Variants in SGIP1 observed in about 807,000 individuals in gnomAD.
SGIP1 encodes SH3GL interacting endocytic adaptor 1.
In SGIP1, 38 loss-of-function variants were observed where a neutral mutation model predicts 107.5. The observed-to-expected ratio is 0.35, with a 90% confidence interval of 0.27 to 0.46. The LOEUF (loss-of-function observed/expected upper bound fraction) is 0.46, where lower values mean the gene tolerates loss of function less well. SGIP1 is among the 20% of genes least tolerant of loss of function. The pLI, the probability that SGIP1 is intolerant of heterozygous loss-of-function variation, is 1.00. For missense variants in SGIP1, 929 were observed against 1,019.5 expected (o/e 0.91, Z 1.21); for synonymous variants, 365 against 366.1 (o/e 1.00, Z 0.03).
intron 12 of SGIP1, among the ~76,000 whole-genome samples, chr1:66,674,122 C>T (rs2084594096): frequency 6.6e-6 from 1 of 152,030 alleles, no homozygotes; most frequent in Non-Finnish European, 1.5e-5. Flanking sequence ...GAGCTGTGAT[C>T]ACACCATTGC....
chr1:66,695,255 T>TAAAAAAAAA (rs570067011), intron 17 of SGIP1, 179 bp from the exon 18 acceptor site: 15,127 of 938,124 alleles, frequency 0.016, 302 homozygotes, highest in East Asian at 0.08. Flanking sequence ...TTTCCTGAAC[T>TAAAAAAAAA]AAAAAAAAAA....
intron 8 of SGIP1, among the ~76,000 whole-genome samples, chr1:66,664,502 G>A (rs904549705): frequency 6.6e-6 from 1 of 152,074 alleles, no homozygotes; most frequent in African/African-American, 2.4e-5. Context: ...TAGAAGCAAT[G>A]AGAAAATGAG....
chr1:66,640,066 A>T (rs1277426426), intron 5 of SGIP1, among the ~76,000 whole-genome samples: 1 of 152,096 alleles, frequency 6.6e-6, no homozygotes, highest in African/African-American at 2.4e-5. Context: ...TATTTATTTT[A>T]GCTGATCAGC....
intron 18 of SGIP1, among the ~76,000 whole-genome samples, chr1:66,716,405 T>C (rs2093246363): frequency 6.6e-6 from 1 of 152,224 alleles, no homozygotes; most frequent in Non-Finnish European, 1.5e-5. Flanking sequence ...ATTATGATGA[T>C]GACATTCCCT....
chr1:66,572,491 C>T (rs1405054692), intron 1 of SGIP1, among the ~76,000 whole-genome samples: 1 of 151,982 alleles, frequency 6.6e-6, no homozygotes, highest in African/African-American at 2.4e-5. Flanking sequence ...TCCTTGGGTT[C>T]CTCCCCGAAA....
In SGIP1 at chr1:66,729,329, C is replaced by G. The variant is rs746198900; in HGVS notation, c.1808C>G (p.Ala603Gly). The G allele has an allele frequency of 6.2e-7, 1 of 1,614,092 alleles. No individual in the cohort carries two copies. Among genetic ancestry groups the G allele is most frequent in the South Asian group, 1.1e-5 (1 of 91,078 alleles). ...CCTGCTGGCATCACCAGACACTTTG[C>G]CAACAACCCGTCCCCAGCTGCTCTG... is the stretch of plus-strand genomic sequence containing the variant. ...SFPAGITRHF[A>G]NNPSPAALTF... Residue 603 changes from alanine (A) to glycine (G), a missense_variant, in exon 20 of 25, where the codon GCC (alanine) becomes GGC (glycine). Transcript: ENST00000371037.
intron 1 of SGIP1, 144 bp downstream of exon 1, chr1:66,534,512 C>T: frequency 3.3e-6 from 3 of 916,900 alleles, no homozygotes; most frequent in South Asian, 1.5e-5. Context: ...AGTTTGCTTG[C>T]AGTGGATCTG....
intron 1 of SGIP1, among the ~76,000 whole-genome samples, chr1:66,616,604 A>G (rs973025660): frequency 6.6e-6 from 1 of 152,218 alleles, no homozygotes; most frequent in African/African-American, 2.4e-5. Context: ...CTCATACTTT[A>G]CAACTGTGTC....
At chr1:66,629,019 A>G (rs1361935091) in intron 2 of SGIP1, among the ~76,000 whole-genome samples, 1 of 152,238 alleles carries the variant, frequency 6.6e-6, no homozygotes, top group East Asian at 1.9e-4. Flanking sequence ...ATCATATATC[A>G]TTCTCAGAAA....
chr1:66,622,319 A>G (rs1212399038), intron 1 of SGIP1, among the ~76,000 whole-genome samples: 1 of 152,208 alleles, frequency 6.6e-6, no homozygotes, highest in Non-Finnish European at 1.5e-5. Context: ...GATTTAAAGG[A>G]GGCAACATAC....
chr1:66,745,356 G>C lies in SGIP1; in HGVS notation c.*2261G>C, dbSNP rs1330301978. On this transcript the variant is annotated 3_prime_UTR_variant, in exon 25 of 25. Coordinates refer to ENST00000371037, the MANE Select transcript of SGIP1 (RefSeq NM_032291.4). ...AACAATTTCAAAATGATTGAACTAT[G>C]AGTAACCAGAACCTCAATAGAAAAT... The C allele has an allele frequency of 6.6e-6, 1 of 152,004 alleles. No individual in the cohort carries two copies. The highest frequency in any genetic ancestry group is 1.5e-5 in the Non-Finnish European group (1 of 67,890). The allele number at this position is 152,004 out of a possible 1,614,324, so 9.4% of individuals were successfully genotyped here.
intron 7 of SGIP1, among the ~76,000 whole-genome samples, chr1:66,650,385 A>C (rs1233623928): frequency 6.6e-6 from 1 of 152,192 alleles, no homozygotes; most frequent in African/African-American, 2.4e-5. Flanking sequence ...ATTTCACAAA[A>C]TATATGTTGA....
chr1:66,664,307 T>C (rs79798408), intron 8 of SGIP1, among the ~76,000 whole-genome samples: 2,842 of 152,274 alleles, frequency 0.019, 83 homozygotes, highest in African/African-American at 0.064. Flanking sequence ...GTGGATTCAA[T>C]AGGTAGCAGT....
At chr1:66,680,430 G>T (rs558775988) in intron 14 of SGIP1, among the ~76,000 whole-genome samples, 1 of 152,222 alleles carries the variant, frequency 6.6e-6, no homozygotes, top group African/African-American at 2.4e-5. Context: ...TATGTGCCTG[G>T]GCCCTTAGAA....
intron 7 of SGIP1, among the ~76,000 whole-genome samples, chr1:66,648,957 T>A (rs1443141282): frequency 6.6e-6 from 1 of 152,198 alleles, no homozygotes; most frequent in Non-Finnish European, 1.5e-5. Context: ...GTGCAGAAGA[T>A]CCTAATAACA....
intron 19 of SGIP1, among the ~76,000 whole-genome samples, chr1:66,720,444 G>A (rs186874109): frequency 1.3e-5 from 2 of 152,186 alleles, no homozygotes; most frequent in Admixed American, 1.3e-4. Context: ...ATAAGAACTG[G>A]AGACTAGGCA....
intron 18 of SGIP1, 90 bp from the exon 19 acceptor site, chr1:66,719,204 A>G (rs745728606): frequency 3.5e-5 from 28 of 794,790 alleles, no homozygotes; most frequent in Non-Finnish European, 5.4e-5. Flanking sequence ...GGTAGATTTT[A>G]TTCCTTAATC....
At chr1:66,686,856 A>C (rs969734605) in intron 15 of SGIP1, among the ~76,000 whole-genome samples, 2 of 152,234 alleles carry the variant, frequency 1.3e-5, no homozygotes, top group African/African-American at 4.8e-5. Flanking sequence ...GTATCAAAAA[A>C]CACAATCTTA....
intron 7 of SGIP1, among the ~76,000 whole-genome samples, chr1:66,650,100 A>G (rs991868623): frequency 2.0e-5 from 3 of 152,210 alleles, no homozygotes; most frequent in African/African-American, 7.2e-5. Context: ...ATAGTGATAA[A>G]TAACTCAAAT....
Sources: allele counts gnomAD v4.1 joint callset (sites outside exome capture counted in the v4.1 genomes callset), GRCh38; gene constraint gnomAD v4.1.1; transcripts MANE v1.5; gene names NCBI Gene and HGNC (gene_info 2026-07-23, HGNC 2026-07-21).